The following FAM227B variants were observed in gnomAD, a reference collection of about 807,000 sequenced individuals.
FAM227B encodes the protein protein FAM227B.
A neutral mutation model predicts 73.8 loss-of-function variants in FAM227B; 88 were observed. That is an observed-to-expected ratio of 1.19 (90% confidence interval 1.00 to 1.42). The LOEUF is 1.42. FAM227B is among the 40% of genes most tolerant of loss of function. The pLI, the probability that FAM227B is intolerant of heterozygous loss-of-function variation, is 0.00. For synonymous variants in FAM227B, 210 were observed against 190.5 expected (o/e 1.10, Z -0.84); for missense variants, 632 against 590.9 (o/e 1.07, Z -0.72).
chr15:49,492,136 C>T (rs534011455), intron 11 of FAM227B, among the ~76,000 whole-genome samples: 1 of 151,972 alleles, frequency 6.6e-6, no homozygotes, highest in East Asian at 1.9e-4. Context: ...ATGCAGCAAT[C>T]ACTATGTGAG....
chr15:49,561,111 C>A (rs2074223701), intron 9 of FAM227B, among the ~76,000 whole-genome samples: 1 of 152,134 alleles, frequency 6.6e-6, no homozygotes, highest in South Asian at 2.1e-4. Flanking sequence ...CAAGACTTAT[C>A]TATCTACTTT....
intron 13 of FAM227B, among the ~76,000 whole-genome samples, chr15:49,338,300 C>A (rs933964358): frequency 1.3e-5 from 2 of 151,970 alleles, no homozygotes; most frequent in African/African-American, 2.4e-5. Context: ...GTGCTTCTTT[C>A]AGCTCTTGGA....
At chr15:49,379,310 T>G (rs192573112) in intron 11 of FAM227B, among the ~76,000 whole-genome samples, 6 of 152,208 alleles carry the variant, frequency 3.9e-5, no homozygotes, top group South Asian at 2.1e-4. Flanking sequence ...AGGGTAATAC[T>G]GGCCTTGTAG....
intron 11 of FAM227B, among the ~76,000 whole-genome samples, chr15:49,438,362 C>T (rs1446882974): frequency 6.6e-6 from 1 of 151,602 alleles, no homozygotes; most frequent in Admixed American, 6.6e-5. Flanking sequence ...CCAGAACTAC[C>T]CACAAAGCAA....
chr15:49,451,727 CT>C (rs2052763035), intron 11 of FAM227B, among the ~76,000 whole-genome samples: 1 of 151,940 alleles, frequency 6.6e-6, no homozygotes, highest in Non-Finnish European at 1.5e-5. Flanking sequence ...AATTTGAAGC[CT>C]TTATTGGGGA....
intron 11 of FAM227B, among the ~76,000 whole-genome samples, chr15:49,459,027 T>C (rs1039751711): frequency 6.6e-6 from 1 of 152,212 alleles, no homozygotes; most frequent in Non-Finnish European, 1.5e-5. Flanking sequence ...ACACACAAAA[T>C]CTACTGTCAT....
At position 49,470,313 on chromosome 15, in the gene FAM227B, T is replaced by C. The variant is rs563855890; in HGVS notation, c.1012+37898A>G. Among the ~76,000 whole-genome samples the C allele has an allele frequency of 5.9e-5, 9 of 152,270 alleles. No individual in the cohort carries two copies. The South Asian group carries it at 1.2e-3, about 21-fold the overall frequency. On this transcript the variant is annotated intron_variant, in intron 11 of 15. Transcript: ENST00000299338. ...AAAACACTATCATTATCACTATATT[T>C]TAAAAAGTCAGATATGAAATTTTTT...
chr15:49,366,251 A>G, intron 13 of FAM227B: 3 of 786,608 alleles, frequency 3.8e-6, no homozygotes, highest in East Asian at 2.4e-5. Context: ...CATATCTATA[A>G]AGTCTTTGTC....
intron 5 of FAM227B, among the ~76,000 whole-genome samples, chr15:49,581,614 G>C (rs62022665): frequency 0.25 from 37,795 of 152,080 alleles, 5,657 homozygotes; most frequent in Non-Finnish European, 0.34. Context: ...ACCGTACCCA[G>C]ATGTATTCAG....
rs2057511647 is a variant in FAM227B, at chr15:49,495,404, C to T, written c.1012+12807G>A. Among the ~76,000 whole-genome samples, 2 of 152,134 alleles carry T rather than the reference C, an allele frequency of 1.3e-5. 1 individual carries two copies. Among genetic ancestry groups the T allele is most frequent in the Admixed American group, 1.3e-4 (2 of 15,260 alleles). Reference sequence around the variant, plus strand: ...TTCCGGTTCTTTGGGCTACTCTGTGCCTTATGTTATTCACTCTGCTTCTGT... The same window carrying T: ...TTCCGGTTCTTTGGGCTACTCTGTGTCTTATGTTATTCACTCTGCTTCTGT... On this transcript the variant is annotated intron_variant, in intron 11 of 15. Transcript: ENST00000299338.
At chr15:49,352,794 A>G (rs2042439261) in intron 13 of FAM227B, among the ~76,000 whole-genome samples, 1 of 152,030 alleles carries the variant, frequency 6.6e-6, no homozygotes, top group Non-Finnish European at 1.5e-5. Context: ...CCTCTACCCA[A>G]TCCCAAGCAG....
chr15:49,422,778 G>A (rs928601847), intron 11 of FAM227B: 5 of 1,313,674 alleles, frequency 3.8e-6, no homozygotes, highest in African/African-American at 1.5e-5. Context: ...TCTGTATGAT[G>A]TGATAATATT....
At chr15:49,615,024 T>A in intron 2 of FAM227B, 97 bp downstream of exon 2, 1 of 1,110,314 alleles carries the variant, frequency 9.0e-7, no homozygotes, top group Non-Finnish European at 1.4e-6. Context: ...GGTGTTTCAG[T>A]GACAAAGCCA....
intron 11 of FAM227B, among the ~76,000 whole-genome samples, chr15:49,433,245 C>A (rs2050774257): frequency 6.6e-6 from 1 of 151,666 alleles, no homozygotes; most frequent in Non-Finnish European, 1.5e-5. Flanking sequence ...GTGTACAGCA[C>A]ATCTGCCTTG....
intron 11 of FAM227B, among the ~76,000 whole-genome samples, chr15:49,400,698 A>G (rs375970406): frequency 6.7e-6 from 1 of 149,504 alleles, no homozygotes; most frequent in Non-Finnish European, 1.5e-5. Context: ...ATAATGCCAC[A>G]TATCTACAAC....
At chr15:49,603,303 A>T (rs1605484) in intron 3 of FAM227B, among the ~76,000 whole-genome samples, 94,303 of 152,006 alleles carry the variant, frequency 0.62, 30,775 homozygotes, top group Non-Finnish European at 0.73. Flanking sequence ...TGTTTTGGTG[A>T]CCTCTTAAAT....
At chr15:49,405,843 G>A (rs2048473583) in intron 11 of FAM227B, among the ~76,000 whole-genome samples, 1 of 152,156 alleles carries the variant, frequency 6.6e-6, no homozygotes, top group African/African-American at 2.4e-5. Flanking sequence ...GAGTTGTCAG[G>A]GTTCTTGAGC....
intron 2 of FAM227B, 50 bp downstream of exon 2, chr15:49,615,071 G>C (rs1411224841): frequency 1.3e-6 from 2 of 1,551,614 alleles, no homozygotes; most frequent in South Asian, 2.2e-5. Flanking sequence ...GAAATTCCAA[G>C]AGAAATATAA....
chr15:49,472,430 T>C (rs1455793701), intron 11 of FAM227B, among the ~76,000 whole-genome samples: 1 of 152,170 alleles, frequency 6.6e-6, no homozygotes, highest in East Asian at 1.9e-4. Flanking sequence ...TGGAAGACTT[T>C]TGGAAGTTGC....
Sources: gnomAD v4.1 joint callset for allele counts (sites outside exome capture counted in the v4.1 genomes callset) on GRCh38, gnomAD v4.1.1 for gene constraint, MANE v1.5 for transcripts, NCBI Gene and HGNC (gene_info 2026-07-23, HGNC 2026-07-21) for gene names.